CACNA2D1: variants seen among roughly 807,000 people sequenced by gnomAD.
The protein encoded by CACNA2D1 is voltage-dependent calcium channel subunit alpha-2/delta-1.
A neutral mutation model predicts 171.5 loss-of-function variants in CACNA2D1; 53 were observed. That is an observed-to-expected ratio of 0.31 (90% CI 0.25 to 0.39). CACNA2D1 has a LOEUF of 0.39. Ranked by LOEUF, CACNA2D1 falls within the 10% of genes least tolerant of loss-of-function variation. The pLI is 1.00. For missense variants in CACNA2D1, 903 were observed against 1,299.8 expected (o/e 0.69, Z 4.69); for synonymous variants, 442 against 443.1 (o/e 1.00, Z 0.03).
intron 1 of CACNA2D1, among the ~76,000 whole-genome samples, chr7:82,374,111 C>G (rs1822740181): frequency 1.3e-5 from 2 of 152,194 alleles, no homozygotes; most frequent in African/African-American, 4.8e-5. Context: ...ATATAGCTTA[C>G]TTGCCAGGGA....
intron 2 of CACNA2D1, among the ~76,000 whole-genome samples, chr7:82,340,679 G>A (rs1818523470): frequency 6.6e-6 from 1 of 151,994 alleles, no homozygotes; most frequent in Admixed American, 6.6e-5. Flanking sequence ...TTTCCATTAG[G>A]CATCAGGAAA....
At chr7:82,071,192 T>A (rs1195205245) in intron 7 of CACNA2D1, among the ~76,000 whole-genome samples, 1 of 152,178 alleles carries the variant, frequency 6.6e-6, no homozygotes, top group Non-Finnish European at 1.5e-5. Context: ...AAAAGCTGTT[T>A]AGCCTCAAGC....
At chr7:81,992,192 C>A (rs1797619393) in intron 20 of CACNA2D1, among the ~76,000 whole-genome samples, 2 of 151,980 alleles carry the variant, frequency 1.3e-5, no homozygotes, top group African/African-American at 2.4e-5. Flanking sequence ...TGAGTTTCAT[C>A]ATTCTCACCA....
At chr7:82,089,867 T>C (rs1201463005) in intron 6 of CACNA2D1, among the ~76,000 whole-genome samples, 2 of 152,148 alleles carry the variant, frequency 1.3e-5, no homozygotes, top group Non-Finnish European at 2.9e-5. Context: ...TTGTATTAAG[T>C]TTGAATACAT....
At chr7:82,370,461 A>G (rs146330079) in intron 1 of CACNA2D1, among the ~76,000 whole-genome samples, 152 of 152,146 alleles carry the variant, frequency 1.0e-3, no homozygotes, top group Non-Finnish European at 1.8e-3. Flanking sequence ...CAATTAAATA[A>G]TTAAAATACA....
At chr7:82,239,794 T>C (rs139526957) in intron 3 of CACNA2D1, among the ~76,000 whole-genome samples, 39 of 152,206 alleles carry the variant, frequency 2.6e-4, no homozygotes, top group East Asian at 2.1e-3. Context: ...GAAGGCCCCA[T>C]TGGAGGTCAT....
At chr7:82,176,512 TAAAG>T (rs1796553546) in intron 3 of CACNA2D1, among the ~76,000 whole-genome samples, 1 of 151,920 alleles carries the variant, frequency 6.6e-6, no homozygotes, top group Non-Finnish European at 1.5e-5. Flanking sequence ...AATGTTTCTA[TAAAG>T]AAATATTATT....
intron 4 of CACNA2D1, among the ~76,000 whole-genome samples, chr7:82,166,193 G>A (rs1795440461): frequency 6.6e-6 from 1 of 152,002 alleles, no homozygotes; most frequent in South Asian, 2.1e-4. Context: ...TTCAAAATAT[G>A]ATTTGGCAAA....
intron 1 of CACNA2D1, among the ~76,000 whole-genome samples, chr7:82,371,086 T>C (rs552260363): frequency 1.6e-4 from 24 of 152,320 alleles, no homozygotes; most frequent in African/African-American, 5.8e-4. Context: ...GGAGATGGGT[T>C]ATAAGGGGTG....
intron 3 of CACNA2D1, among the ~76,000 whole-genome samples, chr7:82,261,583 T>C (rs1451666979): frequency 2.0e-5 from 3 of 152,184 alleles, no homozygotes; most frequent in African/African-American, 7.2e-5. Context: ...CACCTAGATA[T>C]AAGGGTAGTA....
At chr7:82,133,934 A>G (rs1046491574) in intron 5 of CACNA2D1, among the ~76,000 whole-genome samples, 1 of 151,996 alleles carries the variant, frequency 6.6e-6, no homozygotes, top group Admixed American at 6.6e-5. Context: ...TTAGCTGGGC[A>G]TGGTGGCGGG....
intron 4 of CACNA2D1, among the ~76,000 whole-genome samples, chr7:82,168,034 A>G (rs2129143719): frequency 6.6e-6 from 1 of 152,250 alleles, no homozygotes; most frequent in South Asian, 2.1e-4. Flanking sequence ...TAGAGGCACC[A>G]AAAAAGTAGA....
At chr7:82,212,624 C>T (rs1323013909) in intron 3 of CACNA2D1, among the ~76,000 whole-genome samples, 1 of 152,150 alleles carries the variant, frequency 6.6e-6, no homozygotes, top group East Asian at 1.9e-4. Flanking sequence ...GATATGGATG[C>T]ATTTTATGTC....
At chr7:82,418,747 T>C (rs1473920678) in intron 1 of CACNA2D1, among the ~76,000 whole-genome samples, 2 of 152,292 alleles carry the variant, frequency 1.3e-5, no homozygotes, top group East Asian at 3.9e-4. Flanking sequence ...ACACCTGGTA[T>C]TCTTTTCATA....
chr7:82,311,597 G>A (rs1016081764), intron 3 of CACNA2D1, among the ~76,000 whole-genome samples: 1 of 152,022 alleles, frequency 6.6e-6, no homozygotes, highest in African/African-American at 2.4e-5. Context: ...AAACTTTTGT[G>A]AGCACAATTT....
intron 7 of CACNA2D1, among the ~76,000 whole-genome samples, chr7:82,069,080 TA>T (rs929293004): frequency 3.0e-4 from 45 of 152,186 alleles, no homozygotes; most frequent in African/African-American, 1.1e-3. Context: ...ATATTAATGT[TA>T]TGGTAAAATT....
intron 3 of CACNA2D1, among the ~76,000 whole-genome samples, chr7:82,317,376 G>C (rs561727557): frequency 6.6e-6 from 1 of 152,118 alleles, no homozygotes; most frequent in African/African-American, 2.4e-5. Context: ...GTGTGTGTAC[G>C]GCTGAGAGGA....
In CACNA2D1 at chr7:82,392,508, C is replaced by T. The variant is rs117343674; in HGVS notation, c.96-42859G>A. ...CGTAATGCAGGGGGGCTGGGACACA[C>T]TCTGCCCAGCCATGGGCTGAGCTGG... On this transcript the variant is annotated intron_variant, in intron 1 of 38. Transcript: ENST00000356860. Among the ~76,000 whole-genome samples the T allele has an allele frequency of 3.1e-4, 47 of 152,322 alleles. No individual in the cohort carries two copies. The East Asian group carries it at 8.9e-3, about 29-fold the overall frequency.
chr7:82,251,025 A>G (rs1805569993), intron 3 of CACNA2D1, among the ~76,000 whole-genome samples: 1 of 152,186 alleles, frequency 6.6e-6, no homozygotes, highest in Non-Finnish European at 1.5e-5. Context: ...TATAAGAAGC[A>G]GTCATATGAC....
Sources: gnomAD v4.1 joint callset for allele counts (sites outside exome capture counted in the v4.1 genomes callset) on GRCh38, gnomAD v4.1.1 for gene constraint, MANE v1.5 for transcripts, NCBI Gene and HGNC (gene_info 2026-07-23, HGNC 2026-07-21) for gene names.